Variants in TRAPPC9 observed in about 807,000 individuals in gnomAD.
TRAPPC9 encodes trafficking protein particle complex subunit 9, also known as IKK2 binding protein.
A neutral mutation model predicts 124.0 loss-of-function variants in TRAPPC9; 83 were observed. That is an observed-to-expected ratio of 0.67 (90% confidence interval 0.56 to 0.80). TRAPPC9 has a LOEUF of 0.80. Ranked by LOEUF, TRAPPC9 falls within the 30% of genes least tolerant of loss-of-function variation. The pLI is 0.00. For synonymous variants in TRAPPC9, 638 were observed against 617.5 expected, an observed-to-expected ratio of 1.03 and a Z score of -0.49; for missense variants, 1,302 against 1,508.3, an observed-to-expected ratio of 0.86 and a Z score of 2.27.
At position 140,033,677 on chromosome 8, in the gene TRAPPC9, T is replaced by TG. The variant is rs1473241600; in HGVS notation, c.2557-9599_2557-9598insC. Reference sequence around the variant, plus strand: ...AATGTGGTTTTTTTTTTTTTTTTTTTTTTTTTTTTTTTTTTTTTTTTTGAG... The same window carrying TG: ...AATGTGGTTTTTTTTTTTTTTTTTTTGTTTTTTTTTTTTTTTTTTTTTTGAG... On this transcript the variant is annotated intron_variant, in intron 17 of 22. Coordinates refer to ENST00000438773, the MANE Select transcript of TRAPPC9 (RefSeq NM_001160372.4). Among the ~76,000 whole-genome samples the TG allele has an allele frequency of 1.0e-3, 104 of 100,198 alleles. 1 individual carries two copies. The highest frequency in any genetic ancestry group is 4.2e-3 in the Middle Eastern group (1 of 240). 65.7% of individuals were successfully genotyped at this position (100,198 alleles called of 152,430 possible). A position where few individuals can be genotyped will look rare whatever the true frequency, so the allele number is the denominator to read the frequency against.
intron 17 of TRAPPC9, among the ~76,000 whole-genome samples, chr8:140,157,536 C>T (rs1468562129): frequency 1.3e-5 from 2 of 152,194 alleles, no homozygotes; most frequent in African/African-American, 2.4e-5. Flanking sequence ...CATGTAACAC[C>T]ATGAGAGATG....
chr8:140,192,215 G>T (rs1203315601), intron 17 of TRAPPC9, among the ~76,000 whole-genome samples: 1 of 152,216 alleles, frequency 6.6e-6, no homozygotes, highest in South Asian at 2.1e-4. Context: ...AGGCCAAGCA[G>T]GCTGAGTAAA....
upstream of TRAPPC9, chr8:140,458,355 C>T: frequency 6.3e-7 from 1 of 1,593,056 alleles, no homozygotes; most frequent in Non-Finnish European, 8.5e-7. Flanking sequence ...CGGAAGCCCA[C>T]TGTGGATCCC....
At chr8:140,269,472 C>T (rs946517850) in intron 15 of TRAPPC9, among the ~76,000 whole-genome samples, 1 of 151,690 alleles carries the variant, frequency 6.6e-6, no homozygotes, top group Non-Finnish European at 1.5e-5. Context: ...ACCCGGGAGG[C>T]GGAGTTTGCA....
chr8:139,888,882 C>A (rs1830173468), intron 20 of TRAPPC9, among the ~76,000 whole-genome samples: 1 of 152,180 alleles, frequency 6.6e-6, no homozygotes, highest in South Asian at 2.1e-4. Flanking sequence ...GGTTATGGAG[C>A]TGACTGTGAC....
chr8:139,905,578 A>G (rs1831302755), intron 20 of TRAPPC9, among the ~76,000 whole-genome samples: 1 of 152,074 alleles, frequency 6.6e-6, no homozygotes, highest in Non-Finnish European at 1.5e-5. Context: ...GCCATGACCA[A>G]GGTCACCCGG....
chr8:139,962,952 C>A (rs760688281), intron 19 of TRAPPC9, among the ~76,000 whole-genome samples: 1 of 152,204 alleles, frequency 6.6e-6, no homozygotes, highest in Non-Finnish European at 1.5e-5. Flanking sequence ...CTCCAGCAGG[C>A]ATACAGCTTA....
chr8:139,854,588 C>T (rs1020385329), intron 21 of TRAPPC9, among the ~76,000 whole-genome samples: 3 of 152,234 alleles, frequency 2.0e-5, no homozygotes, highest in Admixed American at 1.3e-4. Context: ...TGTGGCTCCA[C>T]GGAAGGAGCT....
intron 21 of TRAPPC9, among the ~76,000 whole-genome samples, chr8:139,736,963 C>T: frequency 6.6e-6 from 1 of 152,192 alleles, no homozygotes; most frequent in Non-Finnish European, 1.5e-5. Context: ...GGCCACCGTC[C>T]ATTACAAGAT....
chr8:140,113,353 G>A (rs570818244), intron 17 of TRAPPC9, among the ~76,000 whole-genome samples: 25 of 152,382 alleles, frequency 1.6e-4, no homozygotes, highest in Admixed American at 3.3e-4. Context: ...GGACCATCAG[G>A]AAAGTGTCCA....
At chr8:140,081,459 C>T (rs1050206014) in intron 17 of TRAPPC9, among the ~76,000 whole-genome samples, 2 of 151,112 alleles carry the variant, frequency 1.3e-5, no homozygotes, top group African/African-American at 2.4e-5. Context: ...AATTCTCGTA[C>T]CTCAGCCTCC....
At chr8:140,065,950 AC>A (rs1842878542) in intron 17 of TRAPPC9, among the ~76,000 whole-genome samples, 2 of 152,228 alleles carry the variant, frequency 1.3e-5, no homozygotes, top group Admixed American at 1.3e-4. Flanking sequence ...CCATAAGGCT[AC>A]AGCTGCCATA....
At chr8:139,993,838 T>A (rs1563673254) in intron 18 of TRAPPC9, among the ~76,000 whole-genome samples, 1 of 152,190 alleles carries the variant, frequency 6.6e-6, no homozygotes, top group Non-Finnish European at 1.5e-5. Context: ...ATACTCGATA[T>A]TATCTATAAA....
intron 19 of TRAPPC9, 79 bp from the exon 20 acceptor site, chr8:139,910,379 C>T (rs1428243747): frequency 7.6e-7 from 1 of 1,323,598 alleles, no homozygotes; most frequent in Non-Finnish European, 1.1e-6. Flanking sequence ...CAGCACATGC[C>T]AGCGTGAGAC....
At chr8:139,967,323 T>C (rs192826659) in intron 19 of TRAPPC9, among the ~76,000 whole-genome samples, 33 of 147,878 alleles carry the variant, frequency 2.2e-4, no homozygotes, top group African/African-American at 7.8e-4. Flanking sequence ...CAGGCTGCAA[T>C]AGACACAGAA....
intron 5 of TRAPPC9, among the ~76,000 whole-genome samples, chr8:140,423,309 G>T (rs1377498413): frequency 6.6e-6 from 1 of 151,850 alleles, no homozygotes; most frequent in African/African-American, 2.4e-5. Context: ...GCATGGTGGT[G>T]GGCACCTGTA....
chr8:140,438,829 C>A (rs1221542164), intron 3 of TRAPPC9, among the ~76,000 whole-genome samples: 1 of 152,112 alleles, frequency 6.6e-6, no homozygotes, highest in Non-Finnish European at 1.5e-5. Context: ...GTAGCTGGGA[C>A]TATAGGCGCG....
chr8:140,107,429 C>T (rs990135149), intron 17 of TRAPPC9, among the ~76,000 whole-genome samples: 8 of 152,326 alleles, frequency 5.3e-5, no homozygotes, highest in East Asian at 1.9e-4. Context: ...GAACAGTCCC[C>T]ACCCTCAAGA....
intron 17 of TRAPPC9, among the ~76,000 whole-genome samples, chr8:140,061,021 G>A (rs1842577548): frequency 6.6e-6 from 1 of 152,206 alleles, no homozygotes; most frequent in South Asian, 2.1e-4. Flanking sequence ...TGGAGAGACT[G>A]TAAACTATCC....
Sources: allele counts gnomAD v4.1 joint callset (sites outside exome capture counted in the v4.1 genomes callset), GRCh38; gene constraint gnomAD v4.1.1; transcripts MANE v1.5; gene names NCBI Gene and HGNC (gene_info 2026-07-23, HGNC 2026-07-21).